Variants in DNAH7 observed in about 807,000 individuals in gnomAD.
DNAH7 encodes dynein axonemal heavy chain 7.
Under a neutral mutation model 444.6 loss-of-function variants are expected in DNAH7, and 397 were observed. The observed-to-expected ratio is 0.89, with a 90% CI of 0.82 to 0.97. The LOEUF (loss-of-function observed/expected upper bound fraction) is 0.97, where lower values mean the gene tolerates loss of function less well. DNAH7 is among the 50% of genes least tolerant of loss of function. The pLI, the probability that DNAH7 is intolerant of heterozygous loss-of-function variation, is 0.00. For missense variants in DNAH7, 4,902 were observed against 4,800.8 expected, an observed-to-expected ratio of 1.02 and a Z score of -0.62; for synonymous variants, 1,636 against 1,624.4, an observed-to-expected ratio of 1.01 and a Z score of -0.17.
chr2:196,018,971 A>T lies in DNAH7; in HGVS notation c.869+199T>A, dbSNP rs756366613. ...CTACTATGTACTCAAAAAATTAAAA[A>T]ATTTAAAATTTTAGAAAAGCAGTGT... is the stretch of plus-strand genomic sequence containing the variant. On this transcript the variant is annotated intron_variant, in intron 9 of 64. Transcript: ENST00000312428. Among the ~76,000 whole-genome samples, 11 of 152,106 alleles carry T rather than the reference A, an allele frequency of 7.2e-5. No individual in the cohort carries two copies. In the South Asian group the frequency reaches 8.3e-4, roughly 11 times the overall value.
intron 36 of DNAH7, among the ~76,000 whole-genome samples, chr2:195,877,745 CAG>C (rs1256536547): frequency 6.6e-6 from 1 of 152,160 alleles, no homozygotes; most frequent in Non-Finnish European, 1.5e-5. Context: ...ACAAGCTGGT[CAG>C]AGATTCTGGA....
Position 195,799,303 on chromosome 2 carries a change from T to C in DNAH7, c.10346A>G (p.Asp3449Gly). 3.2e-6 allele frequency: 5 copies of C among 1,582,746 alleles called. No homozygotes were observed. In the South Asian group the frequency reaches 3.6e-5, roughly 11 times the overall value. Residue 3449 changes from aspartate (D) to glycine (G), a missense_variant, in exon 55 of 65, where the codon GAT becomes GGT. By Grantham distance (94) the Asp-to-Gly change is moderately conservative. Transcript: ENST00000312428. ...TCATCTATTGTAAGGTACCTGGTCA[T>C]CAGCAAATTTTAGAAGGGCAGCCAT... ...DPMAALLKFA[D>G]DQGYGGSKLS...
chr2:195,843,881 G>A (rs1698827675), intron 47 of DNAH7, among the ~76,000 whole-genome samples: 1 of 152,124 alleles, frequency 6.6e-6, no homozygotes, highest in African/African-American at 2.4e-5. Context: ...CACATCACAA[G>A]GTCAGGAGAT....
rs1048274753 is a variant in DNAH7, at chr2:195,997,348, C to T, written c.1353+3356G>A. Among the ~76,000 whole-genome samples, 8 of 152,078 alleles carry T rather than the reference C, an allele frequency of 5.3e-5. 1 individual carries two copies. Among genetic ancestry groups the T allele is most frequent in the Non-Finnish European group, 8.8e-5 (6 of 68,016 alleles). On this transcript the variant is annotated intron_variant, in intron 12 of 64. Coordinates refer to ENST00000312428, the MANE Select transcript of DNAH7 (RefSeq NM_018897.3). Reference sequence around the variant, plus strand: ...CCAACCTGGTGAAACCCCGTCTCTACTAAAAATACAAAAATTAGCTGGGCA... The same window carrying T: ...CCAACCTGGTGAAACCCCGTCTCTATTAAAAATACAAAAATTAGCTGGGCA...
intron 64 of DNAH7, among the ~76,000 whole-genome samples, chr2:195,740,176 G>A (rs1692912291): frequency 6.6e-6 from 1 of 152,052 alleles, no homozygotes; most frequent in Non-Finnish European, 1.5e-5. Flanking sequence ...TAGAGACTGG[G>A]GTTTCTCCAT....
intron 57 of DNAH7, 48 bp downstream of exon 57, chr2:195,794,290 T>G: frequency 1.3e-6 from 2 of 1,590,556 alleles, no homozygotes; most frequent in Middle Eastern, 1.8e-4. Context: ...CAGGGGCCAC[T>G]TGAAGTGCTT....
At chr2:196,067,010 G>A (rs1698464808) in intron 1 of DNAH7, among the ~76,000 whole-genome samples, 1 of 152,128 alleles carries the variant, frequency 6.6e-6, no homozygotes, top group African/African-American at 2.4e-5. Context: ...ATAGTAAGTG[G>A]AAAATGGAAA....
rs746365028 is a variant in DNAH7, at chr2:195,881,988, A to C, written c.5768T>G (p.Ile1923Arg). 7 of 1,612,758 alleles carry C rather than the reference A, an allele frequency of 4.3e-6. No individual in the cohort carries two copies. Among genetic ancestry groups the C allele is most frequent in the African/African-American group, 1.3e-5 (1 of 74,928 alleles). The change falls in exon 36 of 65, where the codon ATA becomes AGA. Residue 1923 changes from isoleucine (I) to arginine (R), a missense_variant. Ile to Arg is a moderately conservative substitution (Grantham distance 97). Coordinates refer to ENST00000312428, the MANE Select transcript of DNAH7 (RefSeq NM_018897.3). ...CTTTATCCATGGTTCCCATTTTCCT[A>C]TTCCCTGTTTATAATTAACAACCAA... ...IYDYQFVTEG[I>R]GKWEPWIKKL...
At chr2:195,812,678 C>T (rs1001302033) in intron 51 of DNAH7, among the ~76,000 whole-genome samples, 9 of 152,064 alleles carry the variant, frequency 5.9e-5, no homozygotes, top group African/African-American at 1.2e-4. Flanking sequence ...GAATGAAATA[C>T]ATTTATATCC....
intron 19 of DNAH7, among the ~76,000 whole-genome samples, chr2:195,942,795 C>G (rs1348417926): frequency 1.3e-5 from 2 of 152,118 alleles, no homozygotes; most frequent in Non-Finnish European, 2.9e-5. Context: ...GATCCATGTA[C>G]TCTACCTATG....
intron 27 of DNAH7, chr2:195,903,751 G>A (rs1686846103): frequency 6.6e-6 from 1 of 152,116 alleles, no homozygotes. Context: ...TCTACTTGTA[G>A]ATTACAAAAT....
intron 40 of DNAH7, among the ~76,000 whole-genome samples, chr2:195,867,861 G>T: frequency 6.6e-6 from 1 of 152,100 alleles, no homozygotes; most frequent in East Asian, 1.9e-4. Context: ...TCTACTTTTT[G>T]GCTATTATAA....
At chr2:195,792,006 AAAATATAAAAATT>A (rs1178827587) in intron 57 of DNAH7, among the ~76,000 whole-genome samples, 2 of 152,058 alleles carry the variant, frequency 1.3e-5, no homozygotes, top group Non-Finnish European at 2.9e-5. Context: ...TCTCTACCAA[AAAATATAAAAATT>A]AGCCAGGTGT....
chr2:195,992,584 T>C (rs748689988), intron 12 of DNAH7, among the ~76,000 whole-genome samples: 14 of 152,248 alleles, frequency 9.2e-5, no homozygotes, highest in Admixed American at 2.6e-4. Flanking sequence ...GTGCCTACTG[T>C]GTGCCTGCCA....
At chr2:195,865,167 T>G (rs1700254936) in intron 40 of DNAH7, 146 bp from the exon 41 acceptor site, 1 of 682,932 alleles carries the variant, frequency 1.5e-6, no homozygotes, top group African/African-American at 1.8e-5. Flanking sequence ...TCAGGACTGA[T>G]TCACAATAAT....
chr2:196,027,508 CTTA>C (rs1280406029), intron 6 of DNAH7, among the ~76,000 whole-genome samples: 2 of 151,854 alleles, frequency 1.3e-5, no homozygotes, highest in African/African-American at 4.8e-5. Context: ...TTACATGTCA[CTTA>C]TTAGAAAAAA....
Position 196,026,828 on chromosome 2 carries a change from G to C in DNAH7, c.599C>G (p.Thr200Ser). ...DLVPQHLKVFTDSIVTLSDEM... is the reference protein window; with the variant it reads ...DLVPQHLKVFSDSIVTLSDEM... Reference sequence around the variant, plus strand: ...ATCAGATAATGTAACTATGCTGTCAGTGAAGACTTTCAGATGTTGTGGAAC... The same window carrying C: ...ATCAGATAATGTAACTATGCTGTCACTGAAGACTTTCAGATGTTGTGGAAC... Residue 200 changes from threonine (T) to serine (S), a missense_variant, in exon 7 of 65, where the codon ACT (threonine) becomes AGT (serine). Coordinates refer to ENST00000312428, the MANE Select transcript of DNAH7 (RefSeq NM_018897.3). 1 of 1,612,696 alleles carries C rather than the reference G, an allele frequency of 6.2e-7. No homozygotes were observed. Among genetic ancestry groups the C allele is most frequent in the South Asian group, 1.1e-5 (1 of 91,024 alleles).
Position 195,835,616 on chromosome 2 carries a change from T to G in DNAH7, c.8946-1256A>C, listed in dbSNP as rs941395684. On this transcript the variant is annotated intron_variant, in intron 47 of 64. Coordinates refer to ENST00000312428, the MANE Select transcript of DNAH7 (RefSeq NM_018897.3). ...ATCCCAGCACTTTCGGAGGCCGAGG[T>G]AGGCGGATCATGGGGTCAGGAGATC... Among the ~76,000 whole-genome samples, 4 of 152,046 alleles carry G rather than the reference T, an allele frequency of 2.6e-5. No individual in the cohort carries two copies. In the South Asian group the frequency reaches 8.3e-4, roughly 32 times the overall value.
rs369474723 is a variant in DNAH7 at position 195,970,710 on chromosome 2, T to A, written c.2059-616A>T. Among the ~76,000 whole-genome samples, 6 of 152,326 alleles carry A rather than the reference T, an allele frequency of 3.9e-5. No individual in the cohort carries two copies. In the East Asian group the frequency reaches 1.2e-3, roughly 29 times the overall value. Reference sequence around the variant, plus strand: ...TTTTAAGTAAAAAAGCCTTATTACATAATTGGTATTGGTAAGGCATTCCAA... The same window carrying A: ...TTTTAAGTAAAAAAGCCTTATTACAAAATTGGTATTGGTAAGGCATTCCAA... On this transcript the variant is annotated intron_variant, in intron 16 of 64. Transcript: ENST00000312428.
Sources: gnomAD v4.1 joint callset for allele counts (sites outside exome capture counted in the v4.1 genomes callset) on GRCh38, gnomAD v4.1.1 for gene constraint, MANE v1.5 for transcripts, NCBI Gene and HGNC (gene_info 2026-07-23, HGNC 2026-07-21) for gene names.